The following COX10 variants were observed in gnomAD, a reference collection of about 807,000 sequenced individuals.
COX10 encodes protoheme IX farnesyltransferase, mitochondrial.
Under a neutral mutation model 37.3 loss-of-function variants are expected in COX10, and 27 were observed. The ratio of observed to expected loss-of-function variants is 0.72; its 90% CI spans 0.53 to 1.00. COX10 has a LOEUF of 1.00. Among genes scored for constraint, COX10 ranks in the 50% least tolerant of loss-of-function variants. The probability of loss-of-function intolerance (pLI) is 0.00; values close to 1 mark genes in which losing one functional copy is unlikely to be tolerated. For synonymous variants in COX10, 222 were observed against 229.1 expected (o/e 0.97, Z 0.28); for missense variants, 475 against 563.2 (o/e 0.84, Z 1.59).
intron 3 of COX10, among the ~76,000 whole-genome samples, chr17:14,101,796 C>A (rs777004594): frequency 6.6e-6 from 1 of 152,132 alleles, no homozygotes; most frequent in Admixed American, 6.5e-5. Context: ...TTATCCCTGG[C>A]AGTGCGTACT....
chr17:14,192,370 G>T lies in COX10; in HGVS notation c.928+149G>T. ...TGATGTGGCAGACTGAAATTTTGTG[G>T]ACGCAGAGTAAAGAGAGACCGTGTC... On this transcript the variant is annotated intron_variant, in intron 6 of 6. Coordinates refer to ENST00000261643, the MANE Select transcript of COX10 (RefSeq NM_001303.4). 3 of 1,613,296 alleles carry T rather than the reference G, an allele frequency of 1.9e-6. No homozygotes were observed. In the East Asian group the frequency reaches 6.7e-5, roughly 36 times the overall value.
chr17:14,093,189 G>A (rs28593406), intron 3 of COX10, among the ~76,000 whole-genome samples: 34,611 of 152,078 alleles, frequency 0.23, 4,194 homozygotes, highest in Non-Finnish European at 0.27. Context: ...CTTGCTCCCA[G>A]ATCTTTTATC....
chr17:14,134,280 A>G (rs974955695), intron 4 of COX10, among the ~76,000 whole-genome samples: 1 of 151,832 alleles, frequency 6.6e-6, no homozygotes, highest in Non-Finnish European at 1.5e-5. Context: ...AATCATATGC[A>G]TACATGCTTG....
Position 14,168,180 on chromosome 17 carries a change from A to G in COX10, c.695+8233A>G, listed in dbSNP as rs186197229. On this transcript the variant is annotated intron_variant, in intron 5 of 6. Coordinates refer to ENST00000261643, the MANE Select transcript of COX10 (RefSeq NM_001303.4). Reference sequence around the variant, plus strand: ...CAGGCCCCATGCATGTCCGAAACCCAAAAGGGCCATCATTAAATCTTAAAG... The same window carrying G: ...CAGGCCCCATGCATGTCCGAAACCCGAAAGGGCCATCATTAAATCTTAAAG... 2.9e-4 allele frequency among the ~76,000 whole-genome samples: 44 copies of G among 152,350 alleles called. No individual in the cohort carries two copies. The East Asian group carries it at 8.5e-3, about 29-fold the overall frequency.
chr17:14,190,743 C>T (rs144102624), intron 5 of COX10, among the ~76,000 whole-genome samples: 1 of 152,068 alleles, frequency 6.6e-6, no homozygotes, highest in African/African-American at 2.4e-5. Flanking sequence ...CTCTGGCACC[C>T]TCCCGGCTAA....
At chr17:14,116,676 C>CAT (rs59675392) in intron 4 of COX10, among the ~76,000 whole-genome samples, 3 of 151,146 alleles carry the variant, frequency 2.0e-5, no homozygotes, top group Non-Finnish European at 4.4e-5. Context: ...CACACACACA[C>CAT]GTGTTAGCTG....
intron 5 of COX10, chr17:14,179,331 A>T (rs1905785855): frequency 2.5e-6 from 1 of 407,196 alleles, no homozygotes; most frequent in African/African-American, 2.2e-5. Flanking sequence ...GTCTATCCTA[A>T]TTTAATATTT....
intron 4 of COX10, among the ~76,000 whole-genome samples, chr17:14,157,391 T>G (rs1024622270): frequency 6.6e-6 from 1 of 152,154 alleles, no homozygotes; most frequent in Admixed American, 6.5e-5. Flanking sequence ...CCCTTTTAAG[T>G]AGTGTATTCA....
At chr17:14,112,449 C>G (rs867371835) in intron 4 of COX10, among the ~76,000 whole-genome samples, 60 of 152,118 alleles carry the variant, frequency 3.9e-4, no homozygotes, top group African/African-American at 1.4e-3. Flanking sequence ...TTCTTGAAAG[C>G]TATTTTCTGG....
At chr17:14,146,400 G>T (rs2142229664) in intron 4 of COX10, among the ~76,000 whole-genome samples, 1 of 152,042 alleles carries the variant, frequency 6.6e-6, no homozygotes, top group East Asian at 1.9e-4. Flanking sequence ...CTGGGGAAAA[G>T]ACTATCTCTT....
At chr17:14,106,709 T>G (rs950353007) in intron 4 of COX10, among the ~76,000 whole-genome samples, 7 of 152,148 alleles carry the variant, frequency 4.6e-5, no homozygotes, top group Admixed American at 4.6e-4. Context: ...TTCTTTTAAT[T>G]CAAGTTGTTT....
At chr17:14,095,542 A>G (rs553364585) in intron 3 of COX10, among the ~76,000 whole-genome samples, 1 of 152,248 alleles carries the variant, frequency 6.6e-6, no homozygotes, top group East Asian at 1.9e-4. Context: ...TTAATTTTCT[A>G]TTGCAGTGAA....
rs757710486 is a variant in COX10 at position 14,207,096 on chromosome 17, C to T, written c.1215C>T (p.Arg405=). The T allele has an allele frequency of 1.9e-6, 3 of 1,614,008 alleles. No homozygotes were observed. The highest frequency in any genetic ancestry group is 3.3e-5 in the Admixed American group (2 of 60,024). The change falls in exon 7 of 7, where the codon CGC becomes CGT. Residue 405 remains arginine, a synonymous_variant. Transcript: ENST00000261643. ...LGFRFYVDAD[R]RSSRRLFFCS... is the part of the protein sequence containing the mutation. ...TCCGCTTCTACGTGGACGCAGACCG[C>T]AGGAGCTCGCGGAGACTGTTCTTCT...
rs202037162 is a variant in COX10 at position 14,072,228 on chromosome 17, T to C, written c.44-2095T>C. ...AGTTTGACCCACGTAATCTTTTTTT[T>C]GTTGTTGTTGAGATGGAGTTTTACT... On this transcript the variant is annotated intron_variant, in intron 1 of 6. Coordinates refer to ENST00000261643, the MANE Select transcript of COX10 (RefSeq NM_001303.4). Among the ~76,000 whole-genome samples, 7 of 152,262 alleles carry C rather than the reference T, an allele frequency of 4.6e-5. No individual in the cohort carries two copies. In the East Asian group the frequency reaches 1.4e-3, roughly 29 times the overall value.
At chr17:14,070,748 C>T (rs1316236362) in intron 1 of COX10, among the ~76,000 whole-genome samples, 1 of 152,158 alleles carries the variant, frequency 6.6e-6, no homozygotes, top group Non-Finnish European at 1.5e-5. Flanking sequence ...TTGCGTTCTT[C>T]GTTCTTTTTC....
At chr17:14,131,714 C>G (rs1329192312) in intron 4 of COX10, among the ~76,000 whole-genome samples, 1 of 152,118 alleles carries the variant, frequency 6.6e-6, no homozygotes, top group East Asian at 1.9e-4. Flanking sequence ...AAATCATTCT[C>G]CTGCAGCCTG....
At chr17:14,169,613 A>G (rs750465400) in intron 5 of COX10, among the ~76,000 whole-genome samples, 1 of 152,214 alleles carries the variant, frequency 6.6e-6, no homozygotes, top group Non-Finnish European at 1.5e-5. Context: ...ATATGGACCA[A>G]CAAACTGACT....
intron 1 of COX10, among the ~76,000 whole-genome samples, chr17:14,073,078 TGG>T (rs1218321207): frequency 1.3e-5 from 2 of 152,310 alleles, no homozygotes; most frequent in African/African-American, 4.8e-5. Flanking sequence ...TGGAGGGTCA[TGG>T]GCGATGTTGC....
chr17:14,198,948 A>G (rs1179780516), intron 6 of COX10, among the ~76,000 whole-genome samples: 1 of 152,230 alleles, frequency 6.6e-6, no homozygotes, highest in African/African-American at 2.4e-5. Flanking sequence ...ATTAAGTTAT[A>G]CTAGCGTTGG....
Sources: gnomAD v4.1 joint callset for allele counts (sites outside exome capture counted in the v4.1 genomes callset) on GRCh38, gnomAD v4.1.1 for gene constraint, MANE v1.5 for transcripts, NCBI Gene and HGNC (gene_info 2026-07-23, HGNC 2026-07-21) for gene names.